PALM2AKAP2: variants seen among roughly 807,000 people sequenced by gnomAD.
PALM2AKAP2 encodes PALM2-AKAP2 fusion protein.
In PALM2AKAP2, 37 loss-of-function variants were observed where a neutral mutation model predicts 71.5. The ratio of observed to expected loss-of-function variants is 0.52; its 90% CI spans 0.40 to 0.68. The LOEUF (loss-of-function observed/expected upper bound fraction) is 0.68, where lower values mean the gene tolerates loss of function less well. Ranked by LOEUF, PALM2AKAP2 falls within the 30% of genes least tolerant of loss-of-function variation. PALM2AKAP2 has a pLI of 0.00. For synonymous variants in PALM2AKAP2, 468 were observed against 478.8 expected (o/e 0.98, Z 0.29); for missense variants, 1,224 against 1,191.8 (o/e 1.03, Z -0.40).
chr9:110,015,295 G>C (rs1832958154), intron 6 of PALM2AKAP2, among the ~76,000 whole-genome samples: 2 of 152,138 alleles, frequency 1.3e-5, no homozygotes, highest in African/African-American at 2.4e-5. Flanking sequence ...GCCTGAACTG[G>C]AGAAGAAGAA....
At chr9:109,817,476 A>G (rs1827883430) in intron 1 of PALM2AKAP2, among the ~76,000 whole-genome samples, 1 of 152,218 alleles carries the variant, frequency 6.6e-6, no homozygotes. Flanking sequence ...TCTATTCCTC[A>G]GATTTTTTTG....
intron 1 of PALM2AKAP2, among the ~76,000 whole-genome samples, chr9:110,100,600 T>G (rs1486360676): frequency 6.6e-6 from 1 of 152,114 alleles, no homozygotes; most frequent in African/African-American, 2.4e-5. Context: ...TCCTTGTATC[T>G]AAGAAAGGCA....
intron 6 of PALM2AKAP2, among the ~76,000 whole-genome samples, chr9:109,978,866 C>T (rs969727535): frequency 2.6e-5 from 4 of 152,126 alleles, no homozygotes; most frequent in African/African-American, 7.2e-5. Context: ...ACTAGAGACA[C>T]GCTTGACTCC....
intron 1 of PALM2AKAP2, among the ~76,000 whole-genome samples, chr9:109,684,594 A>T (rs1226782597): frequency 6.6e-6 from 1 of 152,206 alleles, no homozygotes; most frequent in Non-Finnish European, 1.5e-5. Context: ...AGTAAAATAC[A>T]ATAAAAAGTT....
At chr9:110,160,880 A>G (rs1836578920) in intron 3 of PALM2AKAP2, among the ~76,000 whole-genome samples, 3 of 152,290 alleles carry the variant, frequency 2.0e-5, no homozygotes, top group East Asian at 1.9e-4. Context: ...CTGAGAGGTC[A>G]TCCAACCACT....
At chr9:109,964,729 G>T (rs572355047) in intron 6 of PALM2AKAP2, among the ~76,000 whole-genome samples, 2 of 152,180 alleles carry the variant, frequency 1.3e-5, no homozygotes, top group East Asian at 3.9e-4. Flanking sequence ...GTATAACTTT[G>T]CTCCTGGAAG....
intron 1 of PALM2AKAP2, among the ~76,000 whole-genome samples, chr9:110,081,343 C>T (rs1834444590): frequency 6.6e-6 from 1 of 152,156 alleles, no homozygotes; most frequent in African/African-American, 2.4e-5. Context: ...TTGAGAATTA[C>T]TGTTATTTAC....
At chr9:109,924,434 T>TA (rs976045236) in intron 4 of PALM2AKAP2, among the ~76,000 whole-genome samples, 18 of 151,844 alleles carry the variant, frequency 1.2e-4, no homozygotes, top group African/African-American at 4.4e-4. Context: ...CTGTCTGTAC[T>TA]AAAAAATACA....
chr9:109,890,546 G>A (rs1319044365), intron 3 of PALM2AKAP2, among the ~76,000 whole-genome samples: 1 of 152,116 alleles, frequency 6.6e-6, no homozygotes, highest in East Asian at 1.9e-4. Flanking sequence ...AGCAACTTCC[G>A]ACATCAAGAA....
At chr9:109,987,179 G>A (rs907857457) in intron 6 of PALM2AKAP2, among the ~76,000 whole-genome samples, 1 of 152,022 alleles carries the variant, frequency 6.6e-6, no homozygotes, top group African/African-American at 2.4e-5. Context: ...TGCCCAGGCT[G>A]GAGTACATTG....
At chr9:109,878,446 T>G (rs560080267) in intron 2 of PALM2AKAP2, among the ~76,000 whole-genome samples, 2 of 151,890 alleles carry the variant, frequency 1.3e-5, no homozygotes, top group Non-Finnish European at 2.9e-5. Flanking sequence ...AAATTACAGG[T>G]CAAGTACCAT....
intron 4 of PALM2AKAP2, among the ~76,000 whole-genome samples, chr9:109,924,796 A>G (rs1177777018): frequency 6.6e-6 from 1 of 152,220 alleles, no homozygotes; most frequent in African/African-American, 2.4e-5. Context: ...GGATTTTCTG[A>G]TATCATTCTC....
intron 1 of PALM2AKAP2, among the ~76,000 whole-genome samples, chr9:109,833,707 C>T (rs1677655982): frequency 6.6e-6 from 1 of 152,202 alleles, no homozygotes; most frequent in South Asian, 2.1e-4. Context: ...CATGTCTGCC[C>T]TCCCAATGCT....
intron 1 of PALM2AKAP2, among the ~76,000 whole-genome samples, chr9:110,097,546 C>G (rs1441582375): frequency 6.6e-6 from 1 of 150,660 alleles, no homozygotes; most frequent in Non-Finnish European, 1.5e-5. Flanking sequence ...GAGGCGCTCC[C>G]CACATCTCAG....
At chr9:109,729,125 A>G (rs775388829) in intron 1 of PALM2AKAP2, among the ~76,000 whole-genome samples, 1 of 152,114 alleles carries the variant, frequency 6.6e-6, no homozygotes. Flanking sequence ...ATTTCATGCT[A>G]TTTAATGGTC....
At chr9:109,688,804 A>C (rs1310390318) in intron 1 of PALM2AKAP2, among the ~76,000 whole-genome samples, 1 of 152,240 alleles carries the variant, frequency 6.6e-6, no homozygotes, top group Non-Finnish European at 1.5e-5. Flanking sequence ...AAAGTACATA[A>C]TGGTCCAATT....
Position 110,148,188 on chromosome 9 carries a change from T to C in PALM2AKAP2, c.2570-8131T>C, listed in dbSNP as rs147469938. 1.8e-3 allele frequency among the ~76,000 whole-genome samples: 281 copies of C among 152,278 alleles called. 3 individuals are homozygous for C. Among genetic ancestry groups the C allele is most frequent in the African/African-American group, 6.6e-3 (276 of 41,548 alleles). The stretch of plus-strand genomic sequence containing the variant: ...TTCATTCTTACTGTTTTAATTAACT[T>C]TTTTCCTTTTTGGCCTTAAACTCTG... On this transcript the variant is annotated intron_variant, in intron 2 of 3. Coordinates refer to ENST00000374525, the Ensembl canonical transcript of PALM2AKAP2.
chr9:110,132,442 A>G (rs1835755985), intron 1 of PALM2AKAP2, among the ~76,000 whole-genome samples: 1 of 150,578 alleles, frequency 6.6e-6, no homozygotes, highest in Admixed American at 6.6e-5. Flanking sequence ...CGGGTTCAAG[A>G]GATTCTCTTG....
At chr9:109,843,973 G>A (rs947623368) in intron 1 of PALM2AKAP2, among the ~76,000 whole-genome samples, 6 of 152,210 alleles carry the variant, frequency 3.9e-5, no homozygotes, top group African/African-American at 1.2e-4. Context: ...AACCACACCC[G>A]ATTCTTTGGT....
Sources: allele counts gnomAD v4.1 joint callset (sites outside exome capture counted in the v4.1 genomes callset), GRCh38; gene constraint gnomAD v4.1.1; transcripts MANE v1.5; gene names NCBI Gene and HGNC (gene_info 2026-07-23, HGNC 2026-07-21).